GRIK2: variants seen among roughly 807,000 people sequenced by gnomAD.
GRIK2 encodes glutamate ionotropic receptor kainate type subunit 2, also known as glutamate receptor ionotropic, kainate 2.
Under a neutral mutation model 100.3 loss-of-function variants are expected in GRIK2, and 32 were observed. The observed-to-expected ratio is 0.32, with a 90% confidence interval of 0.24 to 0.43. The LOEUF is 0.43. Among genes scored for constraint, GRIK2 ranks in the 20% least tolerant of loss-of-function variants. The pLI, the probability that GRIK2 is intolerant of heterozygous loss-of-function variation, is 1.00. For synonymous variants in GRIK2, 417 were observed against 389.4 expected (o/e 1.07, Z -0.83); for missense variants, 843 against 1,114.9 (o/e 0.76, Z 3.47).
intron 10 of GRIK2, among the ~76,000 whole-genome samples, chr6:101,851,541 G>A (rs1035073692): frequency 6.6e-6 from 1 of 151,898 alleles, no homozygotes; most frequent in Non-Finnish European, 1.5e-5. Flanking sequence ...ATAGTCATAT[G>A]TTGCTACCTA....
At chr6:101,944,040 T>A (rs1791120941) in intron 14 of GRIK2, among the ~76,000 whole-genome samples, 1 of 152,076 alleles carries the variant, frequency 6.6e-6, no homozygotes, top group South Asian at 2.1e-4. Context: ...GGGCGGTTTT[T>A]AATGGTTTAG....
chr6:101,444,842 C>T (rs1770278276), intron 2 of GRIK2, among the ~76,000 whole-genome samples: 1 of 152,062 alleles, frequency 6.6e-6, no homozygotes, highest in South Asian at 2.1e-4. Context: ...CAGCATATAC[C>T]TCTGTTTTCT....
At chr6:101,980,844 G>GTATAA (rs1793671799) in intron 14 of GRIK2, among the ~76,000 whole-genome samples, 1 of 147,036 alleles carries the variant, frequency 6.8e-6, no homozygotes, top group Admixed American at 6.8e-5. Context: ...GTTCTTAAAA[G>GTATAA]TATAAGCACT....
rs373709860 is a variant in GRIK2 at position 101,878,260 on chromosome 6, T to C, written c.1525-11380T>C. Among the ~76,000 whole-genome samples the C allele has an allele frequency of 1.7e-4, 26 of 151,420 alleles. 1 individual carries two copies. The East Asian group carries it at 5.0e-3, about 29-fold the overall frequency. ...CCTCAACCATTTACCCAATTTCCCA[T>C]GGAAATTATCAATAGAGTAAACAAA... On this transcript the variant is annotated intron_variant, in intron 11 of 16. Transcript: ENST00000369134.
chr6:101,742,212 C>T (rs937068986), intron 7 of GRIK2, among the ~76,000 whole-genome samples: 8 of 152,164 alleles, frequency 5.3e-5, no homozygotes, highest in Non-Finnish European at 7.3e-5. Context: ...GTGCCTGTTA[C>T]GCAGTATGCC....
chr6:101,891,515 T>TTAAAAAAA (rs1166532837), intron 12 of GRIK2: 1 of 274,190 alleles, frequency 3.6e-6, no homozygotes, highest in African/African-American at 5.3e-5. Flanking sequence ...GGACTCCATC[T>TTAAAAAAA]CAAAAAAAAA....
intron 2 of GRIK2, among the ~76,000 whole-genome samples, chr6:101,401,366 GCT>G (rs752479610): frequency 1.3e-5 from 2 of 151,802 alleles, no homozygotes; most frequent in Non-Finnish European, 2.9e-5. Context: ...TTCCAAAAGA[GCT>G]CTCTCTCTCA....
intron 7 of GRIK2, among the ~76,000 whole-genome samples, chr6:101,799,198 T>C (rs1003377228): frequency 2.0e-5 from 3 of 152,234 alleles, no homozygotes; most frequent in Middle Eastern, 3.4e-3. Flanking sequence ...GGTTTCTTCC[T>C]ATAAAAGGAA....
At chr6:101,814,150 T>C (rs1432174805) in intron 9 of GRIK2, among the ~76,000 whole-genome samples, 5 of 151,992 alleles carry the variant, frequency 3.3e-5, no homozygotes, top group Non-Finnish European at 7.4e-5. Flanking sequence ...ATGTATTTTA[T>C]CTCCCAATTA....
At chr6:101,996,014 G>T (rs1452471734) in intron 14 of GRIK2, among the ~76,000 whole-genome samples, 4 of 151,894 alleles carry the variant, frequency 2.6e-5, no homozygotes, top group African/African-American at 7.2e-5. Context: ...TAGCATCACT[G>T]CATGTGACTG....
At chr6:101,772,778 T>C (rs1778488182) in intron 7 of GRIK2, among the ~76,000 whole-genome samples, 1 of 151,802 alleles carries the variant, frequency 6.6e-6, no homozygotes, top group Non-Finnish European at 1.5e-5. Flanking sequence ...CAAAGACTAC[T>C]CTCTAACATT....
intron 2 of GRIK2, among the ~76,000 whole-genome samples, chr6:101,605,764 G>A (rs1048365255): frequency 1.3e-5 from 2 of 151,992 alleles, no homozygotes; most frequent in African/African-American, 4.8e-5. Context: ...CTTCAATGAT[G>A]ACCTTGGTAG....
chr6:101,682,427 T>C (rs1389139559), intron 5 of GRIK2, 126 bp from the exon 6 acceptor site: 1 of 641,360 alleles, frequency 1.6e-6, no homozygotes, highest in Admixed American at 3.2e-5. Flanking sequence ...TTAACCTAAT[T>C]GTATGTAACA....
At chr6:101,588,779 A>G (rs1778509021) in intron 2 of GRIK2, among the ~76,000 whole-genome samples, 1 of 152,130 alleles carries the variant, frequency 6.6e-6, no homozygotes, top group Non-Finnish European at 1.5e-5. Context: ...ATACATATGT[A>G]ACAAACCTGC....
intron 14 of GRIK2, among the ~76,000 whole-genome samples, chr6:101,964,340 G>T (rs1412540321): frequency 1.3e-5 from 2 of 152,020 alleles, no homozygotes; most frequent in Non-Finnish European, 2.9e-5. Flanking sequence ...TTTCACTGGA[G>T]AGGAGGTTTG....
chr6:101,687,263 T>C (rs1367468498), intron 7 of GRIK2, among the ~76,000 whole-genome samples: 1 of 151,982 alleles, frequency 6.6e-6, no homozygotes, highest in Admixed American at 6.6e-5. Flanking sequence ...ATGTGTCATG[T>C]TATTTTTGAA....
intron 7 of GRIK2, among the ~76,000 whole-genome samples, chr6:101,710,288 T>C (rs1773606088): frequency 6.6e-6 from 1 of 151,938 alleles, no homozygotes; most frequent in East Asian, 2.0e-4. Context: ...GTCAGAAGCC[T>C]GCATTCTAGT....
At chr6:101,556,366 G>A (rs1324643271) in intron 2 of GRIK2, among the ~76,000 whole-genome samples, 2 of 48,488 alleles carry the variant, frequency 4.1e-5, no homozygotes, top group East Asian at 3.0e-4. Context: ...ACCGAGTCTC[G>A]CTCTGTCGCC....
At chr6:101,624,557 G>A (rs536910007) in intron 3 of GRIK2, among the ~76,000 whole-genome samples, 1 of 152,110 alleles carries the variant, frequency 6.6e-6, no homozygotes, top group South Asian at 2.1e-4. Flanking sequence ...AGAAAACTGA[G>A]GGAAAATAGC....
Sources: gnomAD v4.1 joint callset for allele counts (sites outside exome capture counted in the v4.1 genomes callset) on GRCh38, gnomAD v4.1.1 for gene constraint, MANE v1.5 for transcripts, NCBI Gene and HGNC (gene_info 2026-07-23, HGNC 2026-07-21) for gene names.